The following CMKLR1 variants were observed in gnomAD, a reference collection of about 807,000 sequenced individuals.
CMKLR1 encodes the protein chemerin chemokine-like receptor 1, also known as chemerin-like receptor 1.
In CMKLR1, 6 loss-of-function variants were observed where a neutral mutation model predicts 8.2. That is an observed-to-expected ratio of 0.73 (90% confidence interval 0.40 to 1.44). CMKLR1 has a LOEUF of 1.44. Ranked by LOEUF, CMKLR1 falls within the 40% of genes most tolerant of loss-of-function variation. The probability of loss-of-function intolerance (pLI) is 0.02; values close to 1 mark genes in which losing one functional copy is unlikely to be tolerated. For synonymous variants in CMKLR1, 178 were observed against 181.2 expected (o/e 0.98, Z 0.14); for missense variants, 429 against 478.0 (o/e 0.90, Z 0.96).
At chr12:108,307,155 A>T (rs985718361) in intron 2 of CMKLR1, among the ~76,000 whole-genome samples, 11 of 152,190 alleles carry the variant, frequency 7.2e-5, no homozygotes, top group Middle Eastern at 3.2e-3. Context: ...CTTGCAAATA[A>T]TCCCCAAGCT....
intron 2 of CMKLR1, among the ~76,000 whole-genome samples, chr12:108,304,608 T>C (rs1891359953): frequency 1.3e-5 from 2 of 152,196 alleles, no homozygotes; most frequent in Non-Finnish European, 1.5e-5. Flanking sequence ...TGTTTGCCTC[T>C]CTTTGTTCCT....
At chr12:108,307,432 C>T (rs979884821) in intron 2 of CMKLR1, among the ~76,000 whole-genome samples, 1 of 152,206 alleles carries the variant, frequency 6.6e-6, no homozygotes, top group African/African-American at 2.4e-5. Flanking sequence ...GCCCTTGCTT[C>T]TCTTCTCTGG....
intron 2 of CMKLR1, among the ~76,000 whole-genome samples, chr12:108,304,432 C>A (rs1173444196): frequency 6.6e-6 from 1 of 152,210 alleles, no homozygotes. Flanking sequence ...CTTGATTAAA[C>A]CCCTTTGCCC....
At chr12:108,308,649 T>C (rs1315489975) in intron 2 of CMKLR1, among the ~76,000 whole-genome samples, 1 of 152,136 alleles carries the variant, frequency 6.6e-6, no homozygotes, top group Non-Finnish European at 1.5e-5. Context: ...AGAGGTTCTA[T>C]TAGAGGGTGA....
chr12:108,324,153 G>C (rs917727732), intron 2 of CMKLR1, among the ~76,000 whole-genome samples: 1 of 152,150 alleles, frequency 6.6e-6, no homozygotes, highest in Non-Finnish European at 1.5e-5. Flanking sequence ...GGTTCTTGCC[G>C]GTCTCTTTTT....
chr12:108,311,836 C>A (rs1012277763), intron 2 of CMKLR1, among the ~76,000 whole-genome samples: 5 of 152,142 alleles, frequency 3.3e-5, no homozygotes, highest in Admixed American at 2.0e-4. Context: ...AGGCTGGGGG[C>A]ACGGAAGGAC....
rs552966609 is a variant in CMKLR1 at position 108,291,157 on chromosome 12, T to C, written c.*684A>G. On this transcript the variant is annotated 3_prime_UTR_variant, in exon 4 of 4. Transcript: ENST00000550402. ...ATCCTTTAAAGGTTCTTTTCTCCTTTCTCATTTCTTTGCCAAATCTCAAGT... is the reference window on the plus strand; with the variant it reads ...ATCCTTTAAAGGTTCTTTTCTCCTTCCTCATTTCTTTGCCAAATCTCAAGT... 2.6e-5 allele frequency: 4 copies of C among 152,556 alleles called. No homozygotes were observed. In the East Asian group the frequency reaches 7.7e-4, roughly 29 times the overall value. 9.5% of individuals were successfully genotyped at this position (152,556 alleles called of 1,614,324 possible). A position where few individuals can be genotyped will look rare whatever the true frequency, so the allele number is the denominator to read the frequency against.
chr12:108,292,211 C>T lies in CMKLR1; in HGVS notation c.752G>A (p.Arg251His), dbSNP rs750358962. 3.5e-5 allele frequency: 57 copies of T among 1,613,962 alleles called. No homozygotes were observed. In the East Asian group the frequency reaches 6.2e-4, roughly 18 times the overall value. ...LTIVCKLQRN[R>H]LAKTKKPFKI... ...GAAGGGCTTCTTGGTCTTGGCCAGGCGGTTGCGCTGCAGTTTGCACACGAT... is the reference window on the plus strand; with the variant it reads ...GAAGGGCTTCTTGGTCTTGGCCAGGTGGTTGCGCTGCAGTTTGCACACGAT... The change falls in exon 4 of 4, where the codon CGC becomes CAC. Residue 251 changes from arginine to histidine, a missense_variant. Coordinates refer to ENST00000550402, the MANE Select transcript of CMKLR1 (RefSeq NM_001142343.2).
intron 2 of CMKLR1, among the ~76,000 whole-genome samples, chr12:108,311,246 A>G (rs915753629): frequency 1.3e-5 from 2 of 152,150 alleles, no homozygotes; most frequent in Admixed American, 1.3e-4. Flanking sequence ...TGCCAAAACC[A>G]TTCCTACTAT....
At chr12:108,323,143 T>C (rs1891900079) in intron 2 of CMKLR1, among the ~76,000 whole-genome samples, 1 of 152,172 alleles carries the variant, frequency 6.6e-6, no homozygotes. Context: ...GAGACTGTCA[T>C]AGAGTTGCCA....
intron 2 of CMKLR1, among the ~76,000 whole-genome samples, chr12:108,325,195 C>T (rs1161225427): frequency 2.0e-5 from 3 of 152,142 alleles, no homozygotes; most frequent in South Asian, 4.2e-4. Context: ...CCACACCCCT[C>T]GGGGAGCCAG....
intron 1 of CMKLR1, among the ~76,000 whole-genome samples, chr12:108,333,683 G>A (rs1219607321): frequency 6.6e-6 from 1 of 152,178 alleles, no homozygotes; most frequent in Non-Finnish European, 1.5e-5. Context: ...TCAGAGCTGG[G>A]ATCTCAACTC....
At chr12:108,312,764 C>T (rs1000840417) in intron 2 of CMKLR1, among the ~76,000 whole-genome samples, 14 of 152,122 alleles carry the variant, frequency 9.2e-5, no homozygotes, top group Non-Finnish European at 8.8e-5. Context: ...CACACGGGGC[C>T]CTGTGATCTC....
chr12:108,298,437 TCTGA>T (rs984562641), intron 2 of CMKLR1, among the ~76,000 whole-genome samples: 3 of 152,204 alleles, frequency 2.0e-5, no homozygotes, highest in African/African-American at 4.8e-5. Context: ...CTGGGTTTGC[TCTGA>T]CTATGAGTCT....
chr12:108,303,071 TC>T (rs1310431053), intron 2 of CMKLR1, among the ~76,000 whole-genome samples: 1 of 151,944 alleles, frequency 6.6e-6, no homozygotes, highest in Non-Finnish European at 1.5e-5. Flanking sequence ...GGTTACTGAA[TC>T]CCTGACCGAG....
chr12:108,301,426 T>C (rs1343656142), intron 2 of CMKLR1, among the ~76,000 whole-genome samples: 3 of 152,080 alleles, frequency 2.0e-5, no homozygotes, highest in Non-Finnish European at 4.4e-5. Context: ...TCACTCTGTC[T>C]AGTTCCCCAG....
At chr12:108,338,112 T>A (rs1038604132) in intron 1 of CMKLR1, among the ~76,000 whole-genome samples, 1 of 152,196 alleles carries the variant, frequency 6.6e-6, no homozygotes, top group Non-Finnish European at 1.5e-5. Flanking sequence ...CAAGTAGTAG[T>A]TCCCTGATGT....
intron 2 of CMKLR1, among the ~76,000 whole-genome samples, chr12:108,324,621 T>C (rs1336727417): frequency 6.6e-6 from 1 of 152,230 alleles, no homozygotes; most frequent in East Asian, 1.9e-4. Flanking sequence ...TGGCACTGAA[T>C]GCAAAGTTCC....
In CMKLR1 at chr12:108,292,459, G is replaced by T. The variant is rs1891010665; in HGVS notation, c.504C>A (p.Phe168Leu). ...MACMVIWVLA[F>L]FLSSPSLVFR... ...AGACGAGAGATGGGGAACTCAAGAA[G>T]AAAGCCAGGACCCAGATGACCATGC... Residue 168 changes from phenylalanine (F) to leucine (L), a missense_variant, in exon 4 of 4, where the codon TTC (phenylalanine) becomes TTA (leucine). Phe to Leu is a conservative substitution (Grantham distance 22). Transcript: ENST00000550402. 1.2e-6 allele frequency: 2 copies of T among 1,614,068 alleles called. No individual in the cohort carries two copies. The highest frequency in any genetic ancestry group is 1.7e-5 in the Admixed American group (1 of 60,006).
Sources: gnomAD v4.1 joint callset for allele counts (sites outside exome capture counted in the v4.1 genomes callset) on GRCh38, gnomAD v4.1.1 for gene constraint, MANE v1.5 for transcripts, NCBI Gene and HGNC (gene_info 2026-07-23, HGNC 2026-07-21) for gene names.